CCDC38: variants seen among roughly 807,000 people sequenced by gnomAD.
CCDC38 encodes the protein coiled-coil domain-containing protein 38.
Under a neutral mutation model 72.8 loss-of-function variants are expected in CCDC38, and 69 were observed. That is an observed-to-expected ratio of 0.95 (90% CI 0.78 to 1.16). CCDC38 has a LOEUF of 1.16. Among genes scored for constraint, CCDC38 ranks in the 50% most tolerant of loss-of-function variants. The probability of loss-of-function intolerance (pLI) is 0.00; values close to 1 mark genes in which losing one functional copy is unlikely to be tolerated. For missense variants in CCDC38, 626 were observed against 638.9 expected (o/e 0.98, Z 0.22); for synonymous variants, 201 against 213.2 (o/e 0.94, Z 0.50).
At chr12:95,939,858 A>G (rs2080430609) in intron 1 of CCDC38, among the ~76,000 whole-genome samples, 1 of 152,172 alleles carries the variant, frequency 6.6e-6, no homozygotes, top group Admixed American at 6.5e-5. Flanking sequence ...TTGCAAGGGT[A>G]GTAGGAATGG....
At chr12:95,911,833 A>C (rs2080097535) in intron 4 of CCDC38, among the ~76,000 whole-genome samples, 1 of 152,194 alleles carries the variant, frequency 6.6e-6, no homozygotes, top group Non-Finnish European at 1.5e-5. Context: ...TAAAAATAGA[A>C]CTATCATCCA....
Position 95,879,533 on chromosome 12 carries a change from C to A in CCDC38, c.1142+111G>T. ...CCACAATGTAAACTATTAAAAACCCCAGCCTACATTCACAGAGACCACGAG... is the reference window on the plus strand; with the variant it reads ...CCACAATGTAAACTATTAAAAACCCAAGCCTACATTCACAGAGACCACGAG... On this transcript the variant is annotated intron_variant, in intron 12 of 15. Transcript: ENST00000344280. The surrounding 1 kb of genome is among the most constrained non-coding windows in gnomAD (Gnocchi z 5.5). 1.5e-6 allele frequency: 1 copy of A among 673,298 alleles called. No homozygotes were observed. The highest frequency in any genetic ancestry group is 2.5e-6 in the Non-Finnish European group (1 of 404,654). The allele number at this position is 673,298 out of a possible 1,614,324, so 41.7% of individuals were successfully genotyped here. A position where few individuals can be genotyped will look rare whatever the true frequency, so the allele number is the denominator to read the frequency against.
At chr12:95,912,527 A>G (rs550682244) in intron 4 of CCDC38, among the ~76,000 whole-genome samples, 35 of 152,178 alleles carry the variant, frequency 2.3e-4, no homozygotes, top group Non-Finnish European at 4.4e-4. Flanking sequence ...ACAGCAGGAA[A>G]AAGTTTGAGT....
intron 5 of CCDC38, among the ~76,000 whole-genome samples, chr12:95,904,035 C>T (rs1311132439): frequency 6.6e-6 from 1 of 150,420 alleles, no homozygotes; most frequent in Non-Finnish European, 1.5e-5. Flanking sequence ...AAGTTTTTTA[C>T]CTGTAAGTTC....
Position 95,898,686 on chromosome 12 carries a change from C to A in CCDC38, c.415G>T (p.Asp139Tyr), listed in dbSNP as rs763269020. The A allele has an allele frequency of 1.2e-5, 19 of 1,613,846 alleles. No individual in the cohort carries two copies. Among genetic ancestry groups the A allele is most frequent in the Admixed American group, 1.7e-5 (1 of 59,962 alleles). ...AGTTGCCGTTCCCTCATTGCTATGTCTTTTTCAAACTTTTTGATTGTGTTT... is the reference window on the plus strand; with the variant it reads ...AGTTGCCGTTCCCTCATTGCTATGTATTTTTCAAACTTTTTGATTGTGTTT... ...KRNTIKKFEK[D>Y]IAMRERQLKK... The change falls in exon 6 of 16, where the codon GAC becomes TAC. Residue 139 changes from aspartate (D) to tyrosine (Y), a missense_variant. Asp to Tyr is a radical substitution (Grantham distance 160, BLOSUM62 -3). Transcript: ENST00000344280.
chr12:95,922,265 A>T (rs528558116), intron 2 of CCDC38, among the ~76,000 whole-genome samples: 139 of 152,270 alleles, frequency 9.1e-4, no homozygotes, highest in African/African-American at 3.3e-3. Context: ...CCCCCATCCT[A>T]AATACTACGA....
At chr12:95,897,705 T>A (rs1218806537) in intron 7 of CCDC38, among the ~76,000 whole-genome samples, 1 of 151,876 alleles carries the variant, frequency 6.6e-6, no homozygotes, top group African/African-American at 2.4e-5. Flanking sequence ...GATGGTACAA[T>A]TTTATCCCAA....
At position 95,930,699 on chromosome 12, in the gene CCDC38, G is replaced by A. The variant is rs148577500; in HGVS notation, c.37+5774C>T. Among the ~76,000 whole-genome samples, 193 of 152,076 alleles carry A rather than the reference G, an allele frequency of 1.3e-3. 1 individual carries two copies. The highest frequency in any genetic ancestry group is 4.5e-3 in the African/African-American group (187 of 41,470). On this transcript the variant is annotated intron_variant, in intron 2 of 15. Coordinates refer to ENST00000344280, the MANE Select transcript of CCDC38 (RefSeq NM_182496.3). ...TGGAGTCTAAATTCAACCCCTTACAGCACTCCATACCTGCAATGTACATCA... is the reference window on the plus strand; with the variant it reads ...TGGAGTCTAAATTCAACCCCTTACAACACTCCATACCTGCAATGTACATCA...
intron 13 of CCDC38, among the ~76,000 whole-genome samples, chr12:95,876,213 A>C (rs1282523202): frequency 6.6e-6 from 1 of 152,222 alleles, no homozygotes; most frequent in Non-Finnish European, 1.5e-5. Context: ...CCAATATTGT[A>C]TGATTCTTCT....
intron 2 of CCDC38, among the ~76,000 whole-genome samples, chr12:95,928,579 T>G (rs1382569406): frequency 1.3e-5 from 2 of 152,226 alleles, no homozygotes; most frequent in African/African-American, 4.8e-5. Flanking sequence ...CTGTTGCTGG[T>G]GAGGAACTGC....
intron 4 of CCDC38, among the ~76,000 whole-genome samples, chr12:95,913,002 C>G (rs1019009125): frequency 5.9e-5 from 9 of 152,034 alleles, no homozygotes; most frequent in African/African-American, 2.2e-4. Context: ...GAGGTCGAGG[C>G]TGTAGTGAGT....
At chr12:95,915,665 C>G (rs1294572237) in intron 4 of CCDC38, among the ~76,000 whole-genome samples, 2 of 152,336 alleles carry the variant, frequency 1.3e-5, no homozygotes, top group East Asian at 3.9e-4. Context: ...TCACTCAAAT[C>G]AGCTCCTGAT....
At chr12:95,912,733 A>G (rs1259212758) in intron 4 of CCDC38, among the ~76,000 whole-genome samples, 1 of 152,140 alleles carries the variant, frequency 6.6e-6, no homozygotes, top group African/African-American at 2.4e-5. Flanking sequence ...CCCTATCAAT[A>G]TGTATGATTA....
intron 2 of CCDC38, among the ~76,000 whole-genome samples, chr12:95,927,613 C>G (rs980582252): frequency 2.6e-5 from 4 of 152,080 alleles, no homozygotes; most frequent in Admixed American, 6.6e-5. Context: ...CTCGTTAGTT[C>G]ATGCAGTTTC....
At chr12:95,928,187 A>G (rs955150466) in intron 2 of CCDC38, among the ~76,000 whole-genome samples, 8 of 151,990 alleles carry the variant, frequency 5.3e-5, no homozygotes, top group African/African-American at 1.9e-4. Flanking sequence ...AATCAGACGT[A>G]GATTTGGTCT....
At chr12:95,881,577 A>T (rs1411033338) in intron 10 of CCDC38, 23 bp from the exon 11 acceptor site, 1 of 1,594,330 alleles carries the variant, frequency 6.3e-7, no homozygotes, top group East Asian at 2.3e-5. Context: ...AAAGAAAAAG[A>T]AAATGTCTGA....
Position 95,942,483 on chromosome 12 carries a change from T to C in CCDC38, c.-67A>G, listed in dbSNP as rs1436390751. ...TCCAACCTATCGTTCGGGAAGGCGTTGTGGGAAAAGTGGGCGGAGGTGCCA... is the reference window on the plus strand; with the variant it reads ...TCCAACCTATCGTTCGGGAAGGCGTCGTGGGAAAAGTGGGCGGAGGTGCCA... On this transcript the variant is annotated 5_prime_UTR_variant, in exon 1 of 16. Coordinates refer to ENST00000344280, the MANE Select transcript of CCDC38 (RefSeq NM_182496.3). The C allele has an allele frequency of 6.6e-6, 1 of 152,252 alleles. No homozygotes were observed. Among genetic ancestry groups the C allele is most frequent in the Non-Finnish European group, 1.5e-5 (1 of 68,094 alleles). The allele number at this position is 152,252 out of a possible 1,614,324, so 9.4% of individuals were successfully genotyped here. A position where few individuals can be genotyped will look rare whatever the true frequency, so the allele number is the denominator to read the frequency against.
chr12:95,870,810 A>G (rs1289845107), intron 14 of CCDC38, among the ~76,000 whole-genome samples: 3 of 152,194 alleles, frequency 2.0e-5, no homozygotes, highest in Non-Finnish European at 4.4e-5. Context: ...CCCTACATCC[A>G]TAAAGTAGTA....
At chr12:95,935,535 A>G in intron 2 of CCDC38, 1 of 325,488 alleles carries the variant, frequency 3.1e-6, no homozygotes, top group Non-Finnish European at 6.3e-6. Context: ...AACCTGAGAG[A>G]GAACAAACGT....
Sources: gnomAD v4.1 joint callset for allele counts (sites outside exome capture counted in the v4.1 genomes callset) on GRCh38, gnomAD v4.1.1 for gene constraint, Gnocchi (gnomAD v3.1) non-coding constraint, MANE v1.5 for transcripts, NCBI Gene and HGNC (gene_info 2026-07-23, HGNC 2026-07-21) for gene names.